The following LYRM9 variants were observed in gnomAD, a reference collection of about 807,000 sequenced individuals.
The protein encoded by LYRM9 is LYR motif-containing protein 9.
LYRM9 carries 14 observed loss-of-function variants against 12.6 expected under a neutral mutation model. The observed-to-expected ratio is 1.11, with a 90% CI of 0.73 to 1.73. The LOEUF (loss-of-function observed/expected upper bound fraction) is 1.73, where lower values mean the gene tolerates loss of function less well. Ranked by LOEUF, LYRM9 falls within the 40% of genes most tolerant of loss-of-function variation. The pLI is 0.00. For synonymous variants in LYRM9, 42 were observed against 35.1 expected, an observed-to-expected ratio of 1.20 and a Z score of -0.69; for missense variants, 94 against 95.0, an observed-to-expected ratio of 0.99 and a Z score of 0.04.
chr17:27,882,286 G>A (rs1490738398), intron 2 of LYRM9, among the ~76,000 whole-genome samples: 5 of 152,234 alleles, frequency 3.3e-5, no homozygotes, highest in Admixed American at 2.6e-4. Flanking sequence ...ACTGTTGGCA[G>A]GGATGCCTGC....
In LYRM9 at chr17:27,882,701, G is replaced by T; in HGVS notation, c.-7C>A. 6.3e-7 allele frequency: 1 copy of T among 1,595,722 alleles called. No homozygotes were observed. The highest frequency in any genetic ancestry group is 1.1e-5 in the South Asian group (1 of 87,542). ...CTCCTGGCAGCGGGGCCATCCGTGA[G>T]ACCCTCTGTCCCTGGAAAACAAGCA... On this transcript the variant is annotated 5_prime_UTR_variant, in exon 2 of 4. Coordinates refer to ENST00000379102, the MANE Select transcript of LYRM9 (RefSeq NM_001076680.3).
chr17:27,888,466 G>A (rs546016458), intron 1 of LYRM9, among the ~76,000 whole-genome samples: 11 of 152,350 alleles, frequency 7.2e-5, no homozygotes, highest in African/African-American at 2.2e-4. Context: ...GATGTGAAAC[G>A]ATAGTGTGAA....
At chr17:27,889,395 C>T (rs1905349591) in intron 1 of LYRM9, among the ~76,000 whole-genome samples, 1 of 151,846 alleles carries the variant, frequency 6.6e-6, no homozygotes, top group Non-Finnish European at 1.5e-5. Context: ...GCAACCTCTG[C>T]CTCCCGGGTT....
rs758093842 is a variant in LYRM9, at chr17:27,879,314, C to T, written c.*159G>A. On this transcript the variant is annotated 3_prime_UTR_variant, in exon 4 of 4. Transcript: ENST00000379102. ...ACATAAAGGATGCTAGCAACATGGC[C>T]GCGGCAAGAGGAGCCTCTGGAGCAA... The T allele has an allele frequency of 3.1e-6, 2 of 636,978 alleles. No individual in the cohort carries two copies. The highest frequency in any genetic ancestry group is 5.0e-6 in the Non-Finnish European group (2 of 403,266). The allele number at this position is 636,978 out of a possible 1,614,324, so 39.5% of individuals were successfully genotyped here.
intron 1 of LYRM9, among the ~76,000 whole-genome samples, chr17:27,887,716 GTGTGTGTGTGTGTGTGT>G (rs1905280044): frequency 8.6e-6 from 1 of 115,738 alleles, no homozygotes; most frequent in East Asian, 2.5e-4. Context: ...GAGGGAGGGT[GTGTGTGTGTGTGTGTGT>G]GTGTGTGTGT....
rs1017498939 is a variant in LYRM9 at position 27,879,336 on chromosome 17, G to A, written c.*137C>T. The A allele has an allele frequency of 2.0e-5, 18 of 897,632 alleles. No homozygotes were observed. Among genetic ancestry groups the A allele is most frequent in the Admixed American group, 3.4e-5 (1 of 29,430 alleles). 55.6% of individuals were successfully genotyped at this position (897,632 alleles called of 1,614,324 possible). A position where few individuals can be genotyped will look rare whatever the true frequency, so the allele number is the denominator to read the frequency against. On this transcript the variant is annotated 3_prime_UTR_variant, in exon 4 of 4. Transcript: ENST00000379102. ...GGCCGCGGCAAGAGGAGCCTCTGGAGCAAGGTCAGCTTCTCCCCTGATTTC... is the reference window on the plus strand; with the variant it reads ...GGCCGCGGCAAGAGGAGCCTCTGGAACAAGGTCAGCTTCTCCCCTGATTTC...
At chr17:27,880,508 T>A in intron 2 of LYRM9, 142 bp from the exon 3 acceptor site, 1 of 624,718 alleles carries the variant, frequency 1.6e-6, no homozygotes. Context: ...GTTATGATTA[T>A]CCCACACAGA....
intron 2 of LYRM9, chr17:27,881,384 T>C (rs1442249601): frequency 6.7e-6 from 1 of 149,838 alleles, no homozygotes; most frequent in Non-Finnish European, 1.5e-5. Context: ...CCCAGACAGC[T>C]AACTGCTCGT....
chr17:27,889,461 C>T (rs1412472875), intron 1 of LYRM9, among the ~76,000 whole-genome samples: 1 of 152,084 alleles, frequency 6.6e-6, no homozygotes, highest in Non-Finnish European at 1.5e-5. Flanking sequence ...GTCCATGCCA[C>T]GATGCCCGGC....
At chr17:27,880,593 A>G (rs1170536472) in intron 2 of LYRM9, 5 of 564,764 alleles carry the variant, frequency 8.9e-6, no homozygotes, top group Non-Finnish European at 1.6e-5. Context: ...CAAAGCATGT[A>G]CTCCTGCCAC....
At chr17:27,879,844 C>G (rs1904981659) in intron 3 of LYRM9, 1 of 564,338 alleles carries the variant, frequency 1.8e-6, no homozygotes, top group African/African-American at 1.9e-5. Context: ...TGACTCACTC[C>G]CTTCCTCCAC....
At chr17:27,881,700 C>G (rs1905064053) in intron 2 of LYRM9, among the ~76,000 whole-genome samples, 2 of 152,132 alleles carry the variant, frequency 1.3e-5, no homozygotes. Context: ...TTCCTAATGA[C>G]AAGGGCATTC....
chr17:27,885,701 CAAAAAAAAAAAA>C (rs61615628), intron 1 of LYRM9, among the ~76,000 whole-genome samples: 3 of 29,376 alleles, frequency 1.0e-4, no homozygotes, highest in South Asian at 1.3e-3. Flanking sequence ...AACTCTGTCT[CAAAAAAAAAAAA>C]AAAAAAAAAA....
In LYRM9 at chr17:27,882,729, A is replaced by T; in HGVS notation, c.-18-17T>A. On this transcript the variant is annotated splice_polypyrimidine_tract_variant and intron_variant, in intron 1 of 3. Coordinates refer to ENST00000379102, the MANE Select transcript of LYRM9 (RefSeq NM_001076680.3). ...CCTCTGTCCCTGGAAAACAAGCAGG[A>T]TCACTTCCAGGGCATCAAGCCAAGT... The T allele has an allele frequency of 6.4e-7, 1 of 1,568,290 alleles. No individual in the cohort carries two copies. The highest frequency in any genetic ancestry group is 8.6e-7 in the Non-Finnish European group (1 of 1,156,680).
intron 1 of LYRM9, among the ~76,000 whole-genome samples, chr17:27,884,660 C>A (rs974660073): frequency 2.6e-5 from 4 of 152,200 alleles, no homozygotes. Flanking sequence ...TCTGCTACCT[C>A]GCCTGTGGCT....
At chr17:27,881,724 C>G (rs1316166125) in intron 2 of LYRM9, among the ~76,000 whole-genome samples, 2 of 152,138 alleles carry the variant, frequency 1.3e-5, no homozygotes, top group Admixed American at 1.3e-4. Context: ...GACATAACCA[C>G]AGTAATCAAA....
intron 1 of LYRM9, among the ~76,000 whole-genome samples, chr17:27,885,365 T>C (rs755390080): frequency 3.3e-5 from 5 of 151,986 alleles, no homozygotes; most frequent in African/African-American, 4.8e-5. Flanking sequence ...CCTGAGACCA[T>C]AGCCACATAG....
chr17:27,882,807 T>G, intron 1 of LYRM9, 95 bp from the exon 2 acceptor site: 1 of 1,375,666 alleles, frequency 7.3e-7, no homozygotes, highest in African/African-American at 1.4e-5. Flanking sequence ...GCAAGCTTGG[T>G]GCAGTGCAGA....
At chr17:27,882,952 G>T (rs989040597) in intron 1 of LYRM9, 1 of 604,312 alleles carries the variant, frequency 1.7e-6, no homozygotes, top group Non-Finnish European at 3.2e-6. Flanking sequence ...CTCATCCCTG[G>T]CGTCTTCTTT....
Sources: gnomAD v4.1 joint callset for allele counts (sites outside exome capture counted in the v4.1 genomes callset) on GRCh38, gnomAD v4.1.1 for gene constraint, MANE v1.5 for transcripts, NCBI Gene and HGNC (gene_info 2026-07-23, HGNC 2026-07-21) for gene names.